UBE3A: variants seen among roughly 807,000 people sequenced by gnomAD.
UBE3A encodes the protein ubiquitin-protein ligase E3A.
UBE3A carries 6 observed loss-of-function variants against 83.4 expected under a neutral mutation model. The observed-to-expected ratio is 0.07, with a 90% confidence interval of 0.04 to 0.14. The LOEUF (loss-of-function observed/expected upper bound fraction) is 0.14, where lower values mean the gene tolerates loss of function less well. UBE3A is among the 10% of genes least tolerant of loss of function. The pLI is 1.00. For missense variants in UBE3A, 456 were observed against 1,036.1 expected (o/e 0.44, Z 7.69); for synonymous variants, 337 against 355.4 (o/e 0.95, Z 0.58).
chr15:25,337,058 T>A lies in UBE3A; in HGVS notation c.*2079A>T, dbSNP rs1319759852. ...GCAGCTATTCTGTGCAACCGACGAT[T>A]TTTTTTCTCTAAAATTTTAAGGGTA... On this transcript the variant is annotated 3_prime_UTR_variant, in exon 13 of 13. Coordinates refer to ENST00000648336, the MANE Select transcript of UBE3A (RefSeq NM_130839.5). The A allele has an allele frequency of 6.6e-6, 1 of 152,222 alleles. No individual in the cohort carries two copies. The highest frequency in any genetic ancestry group is 2.4e-5 in the African/African-American group (1 of 41,548). 9.4% of individuals were successfully genotyped at this position (152,222 alleles called of 1,614,324 possible).
At position 25,370,515 on chromosome 15, in the gene UBE3A, T is replaced by C. The variant is rs775146178; in HGVS notation, c.1608+51A>G. 6.2e-7 allele frequency: 1 copy of C among 1,604,170 alleles called. No individual in the cohort carries two copies. Among genetic ancestry groups the C allele is most frequent in the Non-Finnish European group, 8.5e-7 (1 of 1,171,014 alleles). Reference sequence around the variant, plus strand: ...CACTTTTAAAATGAATTCACTGAACTGTATCATGATATCCCCATTATTAGG... The same window carrying C: ...CACTTTTAAAATGAATTCACTGAACCGTATCATGATATCCCCATTATTAGG... On this transcript the variant is annotated intron_variant, in intron 6 of 12. Transcript: ENST00000648336. This position sits in a 1 kb window ranked among gnomAD's most constrained non-coding sequence, Gnocchi z 4.2.
intron 4 of UBE3A, among the ~76,000 whole-genome samples, chr15:25,384,030 T>C (rs1010746349): frequency 1.3e-5 from 2 of 151,700 alleles, no homozygotes; most frequent in African/African-American, 4.8e-5. Context: ...AAGAAAAGAG[T>C]TGCATTTCTA....
intron 7 of UBE3A, 136 bp downstream of exon 7, chr15:25,360,247 T>C (rs1367030400): frequency 1.8e-6 from 2 of 1,081,260 alleles, no homozygotes; most frequent in African/African-American, 1.6e-5. Flanking sequence ...TCAGTCATGA[T>C]GTGTGATTCT....
chr15:25,396,154 T>C lies in UBE3A; in HGVS notation c.62+9307A>G, dbSNP rs370843504. On this transcript the variant is annotated intron_variant, in intron 4 of 12. Coordinates refer to ENST00000648336, the MANE Select transcript of UBE3A (RefSeq NM_130839.5). ...GAGGCAGGGGTTGCAGTGAGCCAAA[T>C]TGCGCCACTGCACTCCAGCCTGGGT... Among the ~76,000 whole-genome samples the C allele has an allele frequency of 4.9e-4, 74 of 151,622 alleles. 2 individuals carry two copies. The highest frequency in any genetic ancestry group is 2.4e-4 in the Non-Finnish European group (16 of 67,904).
At chr15:25,354,875 G>C (rs1249776961) in intron 9 of UBE3A, among the ~76,000 whole-genome samples, 192 bp from the exon 10 acceptor site, 4 of 151,724 alleles carry the variant, frequency 2.6e-5, no homozygotes, top group African/African-American at 9.7e-5. Context: ...CTATGAAAAG[G>C]CCATATACAT....
intron 12 of UBE3A, 36 bp from the exon 13 acceptor site, chr15:25,339,293 G>C (rs762803081): frequency 2.4e-5 from 39 of 1,605,184 alleles, no homozygotes; most frequent in Non-Finnish European, 3.2e-5. Flanking sequence ...CAGGAAAACT[G>C]TAAGTCATGG....
intron 3 of UBE3A, among the ~76,000 whole-genome samples, chr15:25,406,876 A>AAAT (rs2088725735): frequency 7.0e-6 from 1 of 142,972 alleles, no homozygotes. Context: ...AAAAAAAAAG[A>AAAT]CTCCAGCAGC....
chr15:25,364,551 A>C (rs964884058), intron 6 of UBE3A, among the ~76,000 whole-genome samples: 1 of 152,070 alleles, frequency 6.6e-6, no homozygotes, highest in Non-Finnish European at 1.5e-5. Context: ...TGAAATTTGG[A>C]GGACTATGTC....
At chr15:25,380,186 G>A (rs1595902722) in intron 4 of UBE3A, among the ~76,000 whole-genome samples, 1 of 151,792 alleles carries the variant, frequency 6.6e-6, no homozygotes, top group African/African-American at 2.4e-5. Flanking sequence ...TTCACCTTTC[G>A]CCATGATTCT....
At chr15:25,407,543 G>A (rs2088926562) in intron 3 of UBE3A, 1 of 152,666 alleles carries the variant, frequency 6.6e-6, no homozygotes. Context: ...CCCTAAGCAA[G>A]AGAATATGTG....
chr15:25,430,887 G>A (rs1893257846), intron 1 of UBE3A, among the ~76,000 whole-genome samples: 1 of 152,012 alleles, frequency 6.6e-6, no homozygotes, highest in Admixed American at 6.6e-5. Context: ...CCTAAAAGAG[G>A]GAATAAGAAT....
chr15:25,341,979 C>T (rs982321344), intron 11 of UBE3A, among the ~76,000 whole-genome samples: 1 of 152,054 alleles, frequency 6.6e-6, no homozygotes, highest in Non-Finnish European at 1.5e-5. Flanking sequence ...TCTTGGCTTT[C>T]TCCAATCTCT....
chr15:25,365,930 C>A (rs1260809273), intron 6 of UBE3A, among the ~76,000 whole-genome samples: 1 of 152,106 alleles, frequency 6.6e-6, no homozygotes, highest in East Asian at 1.9e-4. Flanking sequence ...TTGGGTAACA[C>A]CAAATCACAT....
chr15:25,361,126 C>CTTTT (rs10713541), intron 6 of UBE3A, among the ~76,000 whole-genome samples: 4 of 115,402 alleles, frequency 3.5e-5, no homozygotes, highest in African/African-American at 1.2e-4. Context: ...TGTCCTTACT[C>CTTTT]TTTTTTTTTT....
chr15:25,366,154 A>C (rs1184973362), intron 6 of UBE3A, among the ~76,000 whole-genome samples: 2 of 152,248 alleles, frequency 1.3e-5, no homozygotes, highest in Non-Finnish European at 1.5e-5. Context: ...CTTTGAGGGC[A>C]TAAACCAAGC....
intron 1 of UBE3A, among the ~76,000 whole-genome samples, chr15:25,425,051 A>G (rs1302292169): frequency 6.6e-6 from 1 of 152,096 alleles, no homozygotes; most frequent in Non-Finnish European, 1.5e-5. Flanking sequence ...ACCCAAAACA[A>G]TTTTGAAAAA....
In UBE3A at chr15:25,371,768, A is replaced by G. The variant is rs1566962877; in HGVS notation, c.406T>C (p.Leu136=). 6.2e-7 allele frequency: 1 copy of G among 1,612,918 alleles called. No individual in the cohort carries two copies. The change falls in exon 6 of 13, where the codon TTA becomes CTA. Residue 136 remains leucine (L), a synonymous_variant. Coordinates refer to ENST00000648336, the MANE Select transcript of UBE3A (RefSeq NM_130839.5). The surrounding 1 kb of genome is among the most constrained non-coding windows in gnomAD (Gnocchi z 5.3). The stretch of plus-strand genomic sequence containing the variant: ...GAATAATCCTCTCTTTCTCTACATA[A>G]TTCAAGAATTTCATATACCTTCTCT... ...TEEKVYEILE[L]CREREDYSPL...
At chr15:25,366,289 GA>G (rs1175023215) in intron 6 of UBE3A, among the ~76,000 whole-genome samples, 4 of 152,162 alleles carry the variant, frequency 2.6e-5, no homozygotes, top group Non-Finnish European at 5.9e-5. Flanking sequence ...GTGCAGCACA[GA>G]ATAATCTCAT....
At chr15:25,418,328 CTTCT>C (rs894373610) in intron 1 of UBE3A, 16 of 152,054 alleles carry the variant, frequency 1.1e-4, no homozygotes, top group African/African-American at 7.2e-5. Flanking sequence ...CACACAGAGA[CTTCT>C]TTTTTTACAC....
Sources: allele counts gnomAD v4.1 joint callset (sites outside exome capture counted in the v4.1 genomes callset), GRCh38; gene constraint gnomAD v4.1.1; non-coding constraint Gnocchi (gnomAD v3.1); transcripts MANE v1.5; gene names NCBI Gene and HGNC (gene_info 2026-07-23, HGNC 2026-07-21).